Variants in PRH1 observed in about 807,000 individuals in gnomAD.
PRH1 encodes proline rich protein HaeIII subfamily 1, also known as salivary acidic proline-rich phosphoprotein 1/2.
PRH1 carries 7 observed loss-of-function variants against 7.9 expected under a neutral mutation model. The ratio of observed to expected loss-of-function variants is 0.89; its 90% confidence interval spans 0.50 to 1.67. The LOEUF is 1.67. Among genes scored for constraint, PRH1 ranks in the 40% most tolerant of loss-of-function variants. The pLI is 0.00. For missense variants in PRH1, 109 were observed against 223.6 expected (o/e 0.49, Z 3.27); for synonymous variants, 45 against 80.8 (o/e 0.56, Z 2.38).
At chr12:11,067,268 A>T (rs1490416437) in intron 1 of PRH1, among the ~76,000 whole-genome samples, 1 of 152,212 alleles carries the variant, frequency 6.6e-6, no homozygotes, top group Non-Finnish European at 1.5e-5. Context: ...ACACAGGTGT[A>T]CACATGATTA....
chr12:10,985,232 AC>A (rs1939552571), intron 1 of PRH1, among the ~76,000 whole-genome samples: 1 of 152,072 alleles, frequency 6.6e-6, no homozygotes, highest in Non-Finnish European at 1.5e-5. Flanking sequence ...TATAGAAATG[AC>A]TTTTTTCTCA....
At chr12:11,042,372 G>C (rs1261785395) in intron 1 of PRH1, among the ~76,000 whole-genome samples, 1 of 150,168 alleles carries the variant, frequency 6.7e-6, no homozygotes, top group African/African-American at 2.5e-5. Flanking sequence ...AAAACAAATG[G>C]ACAAATTCCT....
intron 1 of PRH1, 55 bp downstream of exon 1, chr12:10,884,099 C>G (rs1364523637): frequency 3.0e-5 from 49 of 1,607,618 alleles, no homozygotes. Flanking sequence ...TCCTCTATAG[C>G]ATTTGCCTGT....
intron 1 of PRH1, among the ~76,000 whole-genome samples, chr12:11,157,461 G>A (rs565202906): frequency 6.6e-6 from 1 of 152,274 alleles, no homozygotes; most frequent in South Asian, 2.1e-4. Context: ...GCTTATTTCT[G>A]TTTGGTTCAT....
rs886782401 is a variant in PRH1, at chr12:11,004,844, T to C, written c.-125-31123A>G. On this transcript the variant is annotated intron_variant, in intron 1 of 3. Coordinates refer to the PRH1 transcript ENST00000539853. ...GGAAATTTCAGGATTGTTTAACAAC[T>C]CCTAAAAGGAAACAAAGAAAAAATA... Among the ~76,000 whole-genome samples, 7 of 152,218 alleles carry C rather than the reference T, an allele frequency of 4.6e-5. No individual in the cohort carries two copies. In the East Asian group the frequency reaches 7.7e-4, roughly 17 times the overall value.
intron 1 of PRH1, among the ~76,000 whole-genome samples, chr12:11,083,512 T>TGTGAAATA (rs2136236970): frequency 4.4e-5 from 1 of 22,784 alleles, no homozygotes; most frequent in South Asian, 2.5e-3. Flanking sequence ...TTTTAAATAT[T>TGTGAAATA]TTTATTATTG....
intron 2 of PRH1, among the ~76,000 whole-genome samples, chr12:10,912,248 A>G (rs2135830803): frequency 6.6e-6 from 1 of 152,236 alleles, no homozygotes; most frequent in East Asian, 1.9e-4. Context: ...ATTCTTTAAC[A>G]TGTAACTTAT....
At chr12:10,909,424 T>G (rs1353681979) in intron 2 of PRH1, 3 of 666,542 alleles carry the variant, frequency 4.5e-6, no homozygotes, top group Non-Finnish European at 5.1e-6. Flanking sequence ...CCTTCTTTCA[T>G]TGTTGGCTCA....
chr12:10,962,038 G>A (rs992532805), intron 2 of PRH1, among the ~76,000 whole-genome samples: 13 of 152,066 alleles, frequency 8.5e-5, no homozygotes, highest in Admixed American at 4.6e-4. Flanking sequence ...CAATTTCCAC[G>A]CGTCCCTGCC....
chr12:10,909,805 T>A, intron 2 of PRH1, among the ~76,000 whole-genome samples: 1 of 152,316 alleles, frequency 6.6e-6, no homozygotes, highest in South Asian at 2.1e-4. Flanking sequence ...TGCAAAGACT[T>A]ACCTATGCTA....
At chr12:11,011,135 C>T (rs1045785501) in intron 1 of PRH1, among the ~76,000 whole-genome samples, 1 of 151,946 alleles carries the variant, frequency 6.6e-6, no homozygotes, top group South Asian at 2.1e-4. Context: ...TAAATTCTAC[C>T]ATTACTAGCA....
At chr12:11,081,537 TC>T (rs1944501551) in intron 1 of PRH1, among the ~76,000 whole-genome samples, 1 of 116,350 alleles carries the variant, frequency 8.6e-6, no homozygotes, top group African/African-American at 2.9e-5. Context: ...GAATTTACCT[TC>T]AATTTGAAAG....
intron 1 of PRH1, among the ~76,000 whole-genome samples, chr12:11,163,546 T>C (rs1947479339): frequency 6.6e-6 from 1 of 152,214 alleles, no homozygotes; most frequent in African/African-American, 2.4e-5. Flanking sequence ...TTGAAACTAT[T>C]ATATGCGCTG....
upstream of PRH1, chr12:11,049,359 T>A (rs1448337835): frequency 1.1e-5 from 3 of 264,730 alleles, no homozygotes; most frequent in Non-Finnish European, 2.1e-5. Flanking sequence ...GACTTTTAAA[T>A]GTGTAGTAAC....
chr12:11,124,758 T>C (rs979865229), intron 1 of PRH1, among the ~76,000 whole-genome samples: 14 of 152,366 alleles, frequency 9.2e-5, no homozygotes, highest in African/African-American at 2.9e-4. Context: ...GGGAGAATGT[T>C]ATTTGATAAA....
chr12:11,092,768 A>T (rs75622987), intron 1 of PRH1, among the ~76,000 whole-genome samples: 2 of 114,934 alleles, frequency 1.7e-5, no homozygotes, highest in East Asian at 4.3e-4. Context: ...CAATCTAATA[A>T]AACTGGGTGT....
chr12:11,052,603 T>A (rs565541960), intron 1 of PRH1, among the ~76,000 whole-genome samples: 2 of 152,270 alleles, frequency 1.3e-5, no homozygotes, highest in South Asian at 4.1e-4. Flanking sequence ...TCTCCTCTAA[T>A]CTTACAGAAC....
Position 10,883,077 on chromosome 12 carries a change from A to T in PRH1, c.84T>A (p.Val28=), listed in dbSNP as rs765077464. 2 of 1,613,482 alleles carry T rather than the reference A, an allele frequency of 1.2e-6. No homozygotes were observed. The change falls in exon 2 of 4, where the codon GTT becomes GTA. Residue 28 remains valine, a synonymous_variant. Coordinates refer to ENST00000543626, the MANE Select transcript of PRH1 (RefSeq NM_001393989.1). ...GGGATTTACCTGATATTACGAGGGG[A>T]ACATCTTCCTGGCTGACATCTAGAA... The part of the protein sequence containing the change: ...DLNEDVSQED[V]PLVISDGGDS...
In PRH1 at chr12:11,108,064, G is replaced by A. The variant is rs550936857; in HGVS notation, n.124-60876C>T. On this transcript the variant is annotated intron_variant and non_coding_transcript_variant, in intron 1 of 4. Transcript: ENST00000541977. ...CTGAAGGAAGAAAACTTTCAGCCTAGAATAGTGTAACTGGAGAAAATATCC... is the reference window on the plus strand; with the variant it reads ...CTGAAGGAAGAAAACTTTCAGCCTAAAATAGTGTAACTGGAGAAAATATCC... Among the ~76,000 whole-genome samples the A allele has an allele frequency of 3.3e-5, 5 of 152,274 alleles. No individual in the cohort carries two copies. The South Asian group carries it at 1.0e-3, about 32-fold the overall frequency.
Sources: gnomAD v4.1 joint callset for allele counts (sites outside exome capture counted in the v4.1 genomes callset) on GRCh38, gnomAD v4.1.1 for gene constraint, MANE v1.5 for transcripts, NCBI Gene and HGNC (gene_info 2026-07-23, HGNC 2026-07-21) for gene names.